Variants in ZSWIM8 observed in about 807,000 individuals in gnomAD.
The protein encoded by ZSWIM8 is zinc finger SWIM domain-containing protein 8.
A neutral mutation model predicts 173.7 loss-of-function variants in ZSWIM8; 27 were observed. The observed-to-expected ratio is 0.16, with a 90% CI of 0.11 to 0.21. The LOEUF is 0.21. ZSWIM8 is among the 10% of genes least tolerant of loss of function. The pLI, the probability that ZSWIM8 is intolerant of heterozygous loss-of-function variation, is 1.00. For missense variants in ZSWIM8, 1,627 were observed against 2,428.8 expected (o/e 0.67, Z 6.94); for synonymous variants, 958 against 962.0 (o/e 1.00, Z 0.08).
At chr10:73,788,891 T>C in intron 2 of ZSWIM8, 68 bp downstream of exon 2, 11 of 1,589,146 alleles carry the variant, frequency 6.9e-6, no homozygotes, top group Non-Finnish European at 9.4e-6. Context: ...GGGTTTCCCA[T>C]AGAACAAAGG....
chr10:73,790,382 G>A, intron 7 of ZSWIM8, 90 bp downstream of exon 7: 1 of 1,508,330 alleles, frequency 6.6e-7, no homozygotes, highest in South Asian at 1.3e-5. Flanking sequence ...TCATGCCTGT[G>A]ACCCCTACCT....
chr10:73,796,484 GGAA>G (rs1394287717), intron 15 of ZSWIM8: 2 of 472,412 alleles, frequency 4.2e-6, no homozygotes, highest in African/African-American at 3.9e-5. Flanking sequence ...GGCATGGGGT[GGAA>G]GAAGAGAAGC....
rs368986975 is a variant in ZSWIM8 at position 73,801,327 on chromosome 10, C to G, written c.5313C>G (p.His1771Gln). 1.2e-6 allele frequency: 2 copies of G among 1,613,882 alleles called. No individual in the cohort carries two copies. The highest frequency in any genetic ancestry group is 3.3e-5 in the Admixed American group (2 of 60,018). The change falls in exon 26 of 26, where the codon CAC (histidine) becomes CAG (glutamine). Residue 1771 changes from histidine (H) to glutamine (Q), a missense_variant. His to Gln is a conservative substitution (Grantham distance 24). Coordinates refer to ENST00000604729, the MANE Select transcript of ZSWIM8 (RefSeq NM_001367799.1). The surrounding 1 kb of genome is among the most constrained non-coding windows in gnomAD (Gnocchi z 4.9). ...ACATCCTCCTCCAGTACATCCACCA[C>G]CGCTTGATTCACCTGACTCCTGCGG... The part of the protein sequence containing the change: ...CQQAYMQYIH[H>Q]RLIHLTPADY...
chr10:73,796,396 CATAGGAGGTAAGTAGGGAATCTTGGG>C (rs2083656793), intron 15 of ZSWIM8: 1 of 412,288 alleles, frequency 2.4e-6, no homozygotes, highest in African/African-American at 2.1e-5. Context: ...CTCTTCTGCC[CATAGGAGGTAAGTAGGGAATCTTGGG>C]GACATCTCAT....
chr10:73,786,381 T>G, intron 1 of ZSWIM8: 2 of 362,630 alleles, frequency 5.5e-6, no homozygotes, highest in Non-Finnish European at 4.9e-6. Context: ...GACAGGGAGA[T>G]CCTGTGGACA....
chr10:73,793,458 G>T, intron 10 of ZSWIM8, 130 bp from the exon 11 acceptor site: 2 of 992,392 alleles, frequency 2.0e-6, no homozygotes, highest in East Asian at 2.7e-5. Flanking sequence ...TCTAACCAGA[G>T]CTCCTATGGA....
chr10:73,797,235 T>C lies in ZSWIM8; in HGVS notation c.3397T>C (p.Trp1133Arg). 6.2e-7 allele frequency: 1 copy of C among 1,613,942 alleles called. No individual in the cohort carries two copies. Among genetic ancestry groups the C allele is most frequent in the Non-Finnish European group, 8.5e-7 (1 of 1,179,846 alleles). Residue 1133 changes from tryptophan to arginine, a missense_variant, in exon 17 of 26, where the codon TGG (tryptophan) becomes CGG (arginine). Physicochemically the swap from Trp to Arg is moderately radical, Grantham distance 101. This residue lies in a region of ZSWIM8 where 163 missense variants were observed against 193.2 expected (regional missense o/e 0.84). Transcript: ENST00000604729. The surrounding 1 kb of genome is among the most constrained non-coding windows in gnomAD (Gnocchi z 5.6). ...GSRGGYNGRGWGSPGRPKKKH... is the reference protein window; with the variant it reads ...GSRGGYNGRGRGSPGRPKKKH... ...TCGTGGAGGCTATAATGGACGGGGA[T>C]GGGGGTCCCCAGGACGGCCTAAGAA...
rs1199287086 is a variant in ZSWIM8, at chr10:73,797,371, G to A, written c.3434-6G>A. 5 of 1,613,604 alleles carry A rather than the reference G, an allele frequency of 3.1e-6. No individual in the cohort carries two copies. Among genetic ancestry groups the A allele is most frequent in the Non-Finnish European group, 3.4e-6 (4 of 1,179,734 alleles). On this transcript the variant is annotated splice_region_variant and splice_polypyrimidine_tract_variant and intron_variant, in intron 17 of 25. Coordinates refer to ENST00000604729, the MANE Select transcript of ZSWIM8 (RefSeq NM_001367799.1). The surrounding 1 kb of genome is among the most constrained non-coding windows in gnomAD (Gnocchi z 5.6). Reference sequence around the variant, plus strand: ...ACTTCTGAGACTGACTTCTCTTGGGGGTTAGGCATGGCCAGCATTGACAGC... The same window carrying A: ...ACTTCTGAGACTGACTTCTCTTGGGAGTTAGGCATGGCCAGCATTGACAGC...
Position 73,792,780 on chromosome 10 carries a change from C to A in ZSWIM8, c.2241C>A (p.Ala747=). The change falls in exon 10 of 26, where the codon GCC becomes GCA. Residue 747 remains alanine, a synonymous_variant. Transcript: ENST00000604729. The surrounding 1 kb of genome is among the most constrained non-coding windows in gnomAD (Gnocchi z 4.3). ...QDGAGGEEEK[A]EGGAGEEHDL... Reference sequence around the variant, plus strand: ...GGGCTGGGGGCGAGGAAGAGAAGGCCGAGGGCGGGGCTGGGGAGGAGCACG... The same window carrying A: ...GGGCTGGGGGCGAGGAAGAGAAGGCAGAGGGCGGGGCTGGGGAGGAGCACG... 6.2e-7 allele frequency: 1 copy of A among 1,608,564 alleles called. No homozygotes were observed. The highest frequency in any genetic ancestry group is 1.1e-5 in the South Asian group (1 of 90,822).
chr10:73,798,521 C>G, intron 20 of ZSWIM8, 68 bp downstream of exon 20: 1 of 1,413,350 alleles, frequency 7.1e-7, no homozygotes. Flanking sequence ...CATGGGAAAG[C>G]TAAGGGCCCA....
rs1306945851 is a variant in ZSWIM8 at position 73,790,294 on chromosome 10, TA to T, written c.941+5del. 6.2e-7 allele frequency: 1 copy of T among 1,602,010 alleles called. No homozygotes were observed. Among genetic ancestry groups the T allele is most frequent in the East Asian group, 2.2e-5 (1 of 44,852 alleles). ...TGGCCCCTCCCCTGTGGTCTTCAGG[TA>T]AATCGGATCTCTGCATACCTGTGTC... On this transcript the variant is annotated splice_donor_region_variant and intron_variant, in intron 7 of 25. Coordinates refer to ENST00000604729, the MANE Select transcript of ZSWIM8 (RefSeq NM_001367799.1).
rs763670861 is a variant in ZSWIM8, at chr10:73,800,203, A to AGG, written c.4825+36_4825+37dup. On this transcript the variant is annotated intron_variant, in intron 22 of 25. Transcript: ENST00000604729. The surrounding 1 kb of genome is among the most constrained non-coding windows in gnomAD (Gnocchi z 4.1). ...GTGGGGCCAGGGAACAGGTGAATGG[A>AGG]GGGGAGGCACACTGGGCAGGGGAGG... The AGG allele has an allele frequency of 1.4e-5, 22 of 1,612,890 alleles. No homozygotes were observed. The African/African-American group carries it at 2.7e-4, about 20-fold the overall frequency.
In ZSWIM8 at chr10:73,792,912, C is replaced by G; in HGVS notation, c.2313+60C>G. The G allele has an allele frequency of 1.3e-6, 2 of 1,495,930 alleles. No individual in the cohort carries two copies. Among genetic ancestry groups the G allele is most frequent in the Non-Finnish European group, 1.8e-6 (2 of 1,127,636 alleles). The allele number at this position is 1,495,930 out of a possible 1,614,324, so 92.7% of individuals were successfully genotyped here. On this transcript the variant is annotated intron_variant, in intron 10 of 25. Transcript: ENST00000604729. This position sits in a 1 kb window ranked among gnomAD's most constrained non-coding sequence, Gnocchi z 4.3. ...CTTAGCCACAACTGGGAGGGGCTAT[C>G]TAGCTCTAGTTGGGAGTGTCAGGAC...
chr10:73,790,580 G>A (rs1400467280), intron 7 of ZSWIM8, among the ~76,000 whole-genome samples: 1 of 152,130 alleles, frequency 6.6e-6, no homozygotes, highest in Non-Finnish European at 1.5e-5. Context: ...TGGGGGCGGT[G>A]GCTCATACCT....
Position 73,791,796 on chromosome 10 carries a change from C to G in ZSWIM8, c.1320-63C>G. On this transcript the variant is annotated intron_variant, in intron 9 of 25. Coordinates refer to ENST00000604729, the MANE Select transcript of ZSWIM8 (RefSeq NM_001367799.1). The surrounding 1 kb of genome is among the most constrained non-coding windows in gnomAD (Gnocchi z 6.0). ...CCCATGCCTCTCTTTGGGGTGTACA[C>G]CTACTCCATGCCCATCCTTTCCCAG... 2.1e-6 allele frequency: 3 copies of G among 1,462,090 alleles called. No homozygotes were observed. The highest frequency in any genetic ancestry group is 2.7e-6 in the Non-Finnish European group (3 of 1,099,674). 90.6% of individuals were successfully genotyped at this position (1,462,090 alleles called of 1,614,324 possible).
Position 73,791,198 on chromosome 10 carries a change from G to A in ZSWIM8, c.1143+22G>A. ...ACAGGTAATCACTCAGCGTTGGGGA[G>A]CCCCGTGGTAGCTCATTCTTTCCCT... On this transcript the variant is annotated intron_variant, in intron 8 of 25. Coordinates refer to ENST00000604729, the MANE Select transcript of ZSWIM8 (RefSeq NM_001367799.1). The surrounding 1 kb of genome is among the most constrained non-coding windows in gnomAD (Gnocchi z 6.0). The A allele has an allele frequency of 6.3e-7, 1 of 1,577,784 alleles. No homozygotes were observed. Among genetic ancestry groups the A allele is most frequent in the Non-Finnish European group, 8.7e-7 (1 of 1,155,978 alleles).
chr10:73,788,620 C>G, intron 1 of ZSWIM8, 50 bp from the exon 2 acceptor site: 1 of 1,601,010 alleles, frequency 6.2e-7, no homozygotes, highest in Non-Finnish European at 8.5e-7. Flanking sequence ...GACCATGGCC[C>G]TTTTCATTTC....
chr10:73,799,466 T>C lies in ZSWIM8; in HGVS notation c.4641T>C (p.Pro1547=). The change falls in exon 21 of 26, where the codon CCT becomes CCC. Residue 1547 remains proline, a synonymous_variant. Coordinates refer to ENST00000604729, the MANE Select transcript of ZSWIM8 (RefSeq NM_001367799.1). ...ACATGCCCCGGCCTGCCGTCTTCCC[T>C]GTGCCCAGCTCTGCATACCCACAGG... ...MPHMPRPAVF[P]VPSSAYPQGV... 1 of 1,599,426 alleles carries C rather than the reference T, an allele frequency of 6.3e-7. No homozygotes were observed. The highest frequency in any genetic ancestry group is 1.7e-5 in the Admixed American group (1 of 58,132).
Position 73,801,044 on chromosome 10 carries a change from T to C in ZSWIM8, c.5150T>C (p.Val1717Ala). ...LGVNYVHQFCVGAAKGVLSPF... is the reference protein window; with the variant it reads ...LGVNYVHQFCAGAAKGVLSPF... ...GTGAACTACGTGCACCAGTTCTGTG[T>C]GGGGGCAGCCAAGGGGGTGCTGAGC... Residue 1717 changes from valine to alanine, a missense_variant, in exon 25 of 26, where the codon GTG becomes GCG. By Grantham distance (64) the Val-to-Ala change is moderately conservative (BLOSUM62 0). Around this residue, in one of 18 missense-constraint regions of ZSWIM8, gnomAD observed 122 missense variants for 196.1 expected, o/e 0.62. Transcript: ENST00000604729. This position sits in a 1 kb window ranked among gnomAD's most constrained non-coding sequence, Gnocchi z 4.9. 6.4e-7 allele frequency: 1 copy of C among 1,554,896 alleles called. No homozygotes were observed. Among genetic ancestry groups the C allele is most frequent in the Non-Finnish European group, 8.7e-7 (1 of 1,149,282 alleles).
Sources: allele counts gnomAD v4.1 joint callset (sites outside exome capture counted in the v4.1 genomes callset), GRCh38; gene constraint gnomAD v4.1.1; regional missense constraint gnomAD v4.1.1; non-coding constraint Gnocchi (gnomAD v3.1); transcripts MANE v1.5; gene names NCBI Gene and HGNC (gene_info 2026-07-23, HGNC 2026-07-21).